Variants in ACR observed in about 807,000 individuals in gnomAD.
ACR encodes the protein acrosin, also known as acrosin light and heavy chain prepropeptide.
A neutral mutation model predicts 26.0 loss-of-function variants in ACR; 17 were observed. That is an observed-to-expected ratio of 0.65 (90% CI 0.45 to 0.98). The LOEUF (loss-of-function observed/expected upper bound fraction) is 0.98. ACR is among the 50% of genes least tolerant of loss of function. ACR has a pLI of 0.00. For synonymous variants in ACR, 199 were observed against 207.7 expected (o/e 0.96, Z 0.36); for missense variants, 435 against 519.3 (o/e 0.84, Z 1.58).
intron 3 of ACR, chr22:50,740,864 C>T (rs2083422099): frequency 8.2e-6 from 5 of 608,490 alleles, no homozygotes; most frequent in Non-Finnish European, 1.5e-5. Context: ...TCATTACTGA[C>T]TCCGTGGTCA....
At chr22:50,740,181 C>G in intron 3 of ACR, 2 of 719,532 alleles carry the variant, frequency 2.8e-6, no homozygotes, top group Non-Finnish European at 4.9e-6. Context: ...TACGGGGGGG[C>G]TGACAGCAGG....
At chr22:50,740,770 G>C in intron 3 of ACR, 2 of 701,588 alleles carry the variant, frequency 2.9e-6, no homozygotes, top group South Asian at 1.5e-5. Flanking sequence ...CTCGACACCA[G>C]ATGAGTTCTA....
chr22:50,738,234 G>A lies in ACR; in HGVS notation c.-2G>A. 1.2e-6 allele frequency: 2 copies of A among 1,614,018 alleles called. No individual in the cohort carries two copies. Among genetic ancestry groups the A allele is most frequent in the Middle Eastern group, 1.7e-4 (1 of 6,056 alleles). Reference sequence around the variant, plus strand: ...GCTTGCAGGCCAGGCAGTGCCAGGAGTATGGTTGAGATGCTACCAACTGCC... The same window carrying A: ...GCTTGCAGGCCAGGCAGTGCCAGGAATATGGTTGAGATGCTACCAACTGCC... On this transcript the variant is annotated 5_prime_UTR_variant, in exon 1 of 5. Coordinates refer to ENST00000216139, the MANE Select transcript of ACR (RefSeq NM_001097.3).
intron 3 of ACR, chr22:50,740,392 G>T (rs866921536): frequency 1.7e-6 from 1 of 592,156 alleles, no homozygotes; most frequent in African/African-American, 1.9e-5. Context: ...AAATGGAGGG[G>T]CTGGATCAGA....
chr22:50,739,187 T>A lies in ACR; in HGVS notation c.78-84T>A. On this transcript the variant is annotated intron_variant, in intron 1 of 4. Coordinates refer to ENST00000216139, the MANE Select transcript of ACR (RefSeq NM_001097.3). This position sits in a 1 kb window ranked among gnomAD's most constrained non-coding sequence, Gnocchi z 5.5. The stretch of plus-strand genomic sequence containing the variant: ...CTCTTCCCCACTTTTCCCAACCCCA[T>A]GTCCCTGCCTCCCCTCAGTTGTGGA... 1 of 1,295,138 alleles carries A rather than the reference T, an allele frequency of 7.7e-7. No homozygotes were observed. Among genetic ancestry groups the A allele is most frequent in the Non-Finnish European group, 1.1e-6 (1 of 924,046 alleles). 80.2% of individuals were successfully genotyped at this position (1,295,138 alleles called of 1,614,324 possible).
rs770629027 is a variant in ACR, at chr22:50,744,867, C to T, written c.926C>T (p.Pro309Leu). Residue 309 changes from proline to leucine, a missense_variant, in exon 5 of 5, where the codon CCG (proline) becomes CTG (leucine). Pro to Leu is a moderately conservative substitution (Grantham distance 98). Transcript: ENST00000216139. ...ACCCCTCCACCTCCCACCACTCGAC[C>T]GCCCCCGATTCGACCCCCCTTCTCC... ...SATPPPPTTR[P>L]PPIRPPFSHP... 40 of 1,600,482 alleles carry T rather than the reference C, an allele frequency of 2.5e-5. No homozygotes were observed. The highest frequency in any genetic ancestry group is 5.1e-5 in the Admixed American group (3 of 59,036).
rs200667515 is a variant in ACR, at chr22:50,744,697, C to T, written c.756C>T (p.Ser252=). 9.5e-5 allele frequency: 154 copies of T among 1,613,198 alleles called. 1 individual carries two copies. Among genetic ancestry groups the T allele is most frequent in the African/African-American group, 2.7e-4 (20 of 74,874 alleles). ...GPLMCKDSKE[S]AYVVVGITSW... ...TCATGTGCAAAGACAGCAAGGAAAG[C>T]GCCTATGTGGTCGTGGGAATCACAA... Residue 252 remains serine (S), a synonymous_variant, in exon 5 of 5, where the codon AGC becomes AGT. Transcript: ENST00000216139.
Position 50,745,137 on chromosome 22 carries a change from C to A in ACR, c.1196C>A (p.Thr399Asn), listed in dbSNP as rs200978349. The A allele has an allele frequency of 1.5e-5, 12 of 812,326 alleles. No individual in the cohort carries two copies. The highest frequency in any genetic ancestry group is 1.8e-6 in the Non-Finnish European group (1 of 542,984). The allele number at this position is 812,326 out of a possible 1,614,324, so 50.3% of individuals were successfully genotyped here. ...CTCATAGAGGTCTTGAAGGGGAAGA[C>A]CTATTCCGACGGAAAGAACCATTAT... Reference protein sequence around the residue: ...QQLIEVLKGKTYSDGKNHYDM... With the variant: ...QQLIEVLKGKNYSDGKNHYDM... Residue 399 changes from threonine (T) to asparagine (N), a missense_variant, in exon 5 of 5, where the codon ACC becomes AAC. Around this residue, in one of 3 missense-constraint regions of ACR, gnomAD observed 92 missense variants for 87.8 expected, o/e 1.05. Coordinates refer to ENST00000216139, the MANE Select transcript of ACR (RefSeq NM_001097.3).
chr22:50,745,127 A>C lies in ACR; in HGVS notation c.1186A>C (p.Lys396Gln). The change falls in exon 5 of 5, where the codon AAG becomes CAG. Residue 396 changes from lysine (K) to glutamine (Q), a missense_variant. Transcript: ENST00000216139. Reference sequence around the variant, plus strand: ...CCTACAGCAGCTCATAGAGGTCTTGAAGGGGAAGACCTATTCCGACGGAAA... The same window carrying C: ...CCTACAGCAGCTCATAGAGGTCTTGCAGGGGAAGACCTATTCCGACGGAAA... ...KRLQQLIEVLKGKTYSDGKNH... is the reference protein window; with the variant it reads ...KRLQQLIEVLQGKTYSDGKNH... 1.2e-6 allele frequency: 1 copy of C among 810,052 alleles called. No individual in the cohort carries two copies. The highest frequency in any genetic ancestry group is 1.8e-5 in the South Asian group (1 of 55,702). The allele number at this position is 810,052 out of a possible 1,614,324, so 50.2% of individuals were successfully genotyped here.
In ACR at chr22:50,743,115, A is replaced by G. The variant is rs113857899; in HGVS notation, c.566-946A>G. On this transcript the variant is annotated intron_variant, in intron 3 of 4. Transcript: ENST00000216139. ...CAGTGGCGCCATCTCGGCTCACTGC[A>G]AGCTCCGCCTCCCGGGTTCACGCCA... 1.4e-3 allele frequency among the ~76,000 whole-genome samples: 214 copies of G among 151,446 alleles called. 1 individual carries two copies. Among genetic ancestry groups the G allele is most frequent in the Middle Eastern group, 0.01 (3 of 294 alleles).
At chr22:50,740,869 T>G in intron 3 of ACR, 1 of 605,640 alleles carries the variant, frequency 1.7e-6, no homozygotes, top group Non-Finnish European at 3.0e-6. Context: ...ACTGACTCCG[T>G]GGTCAGAGAC....
intron 3 of ACR, chr22:50,740,742 C>G: frequency 1.4e-6 from 1 of 702,466 alleles, no homozygotes. Context: ...TCTTGCCCAT[C>G]CAACACTACC....
At chr22:50,743,077 C>T (rs1333465248) in intron 3 of ACR, among the ~76,000 whole-genome samples, 1 of 151,716 alleles carries the variant, frequency 6.6e-6, no homozygotes, top group Non-Finnish European at 1.5e-5. Flanking sequence ...GCTCTGTGGC[C>T]CGGGCTGGAG....
At chr22:50,744,524 C>T in intron 4 of ACR, 129 bp from the exon 5 acceptor site, 1 of 1,384,316 alleles carries the variant, frequency 7.2e-7, no homozygotes, top group South Asian at 1.5e-5. Flanking sequence ...AACTTTACTA[C>T]AACCACTTGT....
In ACR at chr22:50,739,484, G is replaced by A; in HGVS notation, c.281+10G>A. 1.3e-5 allele frequency: 21 copies of A among 1,614,018 alleles called. No homozygotes were observed. Among genetic ancestry groups the A allele is most frequent in the Non-Finnish European group, 1.7e-5 (20 of 1,179,936 alleles). ...GCTTCGTCGGCAAAAAGTACGTGTA[G>A]GGATGCACTGAGGGAGGTCTTCAGA... On this transcript the variant is annotated intron_variant, in intron 2 of 4. Transcript: ENST00000216139. This position sits in a 1 kb window ranked among gnomAD's most constrained non-coding sequence, Gnocchi z 5.5.
In ACR at chr22:50,745,203, C is replaced by G; in HGVS notation, c.1262C>G (p.Ser421Cys). ...GAGCTCCCAGAACTGACCTCGACCT[C>G]CTGATCTGACCTGGTTCTCAACAGA... ...TTELPELTST[S>C] The change falls in exon 5 of 5, where the codon TCC becomes TGC. Residue 421 changes from serine to cysteine, a missense_variant. Coordinates refer to ENST00000216139, the MANE Select transcript of ACR (RefSeq NM_001097.3). 9.0e-7 allele frequency: 1 copy of G among 1,115,012 alleles called. No homozygotes were observed. The allele number at this position is 1,115,012 out of a possible 1,614,324, so 69.1% of individuals were successfully genotyped here.
chr22:50,744,453 G>A (rs1569125083), intron 4 of ACR, 200 bp from the exon 5 acceptor site: 1 of 830,620 alleles, frequency 1.2e-6, no homozygotes, highest in Non-Finnish European at 1.8e-6. Flanking sequence ...CTCACTGCAA[G>A]GAAAGCCCTG....
At chr22:50,741,194 CTT>C (rs1166504790) in intron 3 of ACR, among the ~76,000 whole-genome samples, 1 of 152,166 alleles carries the variant, frequency 6.6e-6, no homozygotes, top group Non-Finnish European at 1.5e-5. Context: ...TCCTTTAACT[CTT>C]ATTTCCTTCT....
chr22:50,739,563 G>T lies in ACR; in HGVS notation c.281+89G>T. ...CGGGGATGCTGTGCAGCGTCTCCCT[G>T]GGGCTCTGGGCCAAGTGGCTGCAAG... On this transcript the variant is annotated intron_variant, in intron 2 of 4. Coordinates refer to ENST00000216139, the MANE Select transcript of ACR (RefSeq NM_001097.3). This position sits in a 1 kb window ranked among gnomAD's most constrained non-coding sequence, Gnocchi z 5.5. The T allele has an allele frequency of 6.3e-7, 1 of 1,581,530 alleles. No homozygotes were observed. The highest frequency in any genetic ancestry group is 1.2e-5 in the South Asian group (1 of 86,854).
Sources: gnomAD v4.1 joint callset for allele counts (sites outside exome capture counted in the v4.1 genomes callset) on GRCh38, gnomAD v4.1.1 for gene constraint, gnomAD v4.1.1 regional missense constraint, Gnocchi (gnomAD v3.1) non-coding constraint, MANE v1.5 for transcripts, NCBI Gene and HGNC (gene_info 2026-07-23, HGNC 2026-07-21) for gene names.